Variants in NELL2 observed in about 807,000 individuals in gnomAD.
The protein encoded by NELL2 is protein kinase C-binding protein NELL2.
NELL2 carries 41 observed loss-of-function variants against 109.6 expected under a neutral mutation model. The ratio of observed to expected loss-of-function variants is 0.37; its 90% CI spans 0.29 to 0.49. NELL2 has a LOEUF of 0.49. Among genes scored for constraint, NELL2 ranks in the 20% least tolerant of loss-of-function variants. NELL2 has a pLI of 0.98. For missense variants in NELL2, 900 were observed against 1,008.3 expected (o/e 0.89, Z 1.45); for synonymous variants, 355 against 344.7 (o/e 1.03, Z -0.33).
chr12:44,570,560 A>G (rs1049218779), intron 15 of NELL2, among the ~76,000 whole-genome samples: 16 of 152,328 alleles, frequency 1.1e-4, no homozygotes, highest in African/African-American at 3.6e-4. Flanking sequence ...GGATTTTCCT[A>G]TTAGTATCAT....
intron 3 of NELL2, among the ~76,000 whole-genome samples, chr12:44,787,421 T>C (rs961223387): frequency 6.7e-6 from 1 of 148,952 alleles, no homozygotes; most frequent in African/African-American, 2.5e-5. Context: ...AACATTATCC[T>C]AAAATTTATA....
chr12:44,550,414 A>AT (rs34399603), intron 15 of NELL2, among the ~76,000 whole-genome samples: 71,883 of 146,160 alleles, frequency 0.49, 18,891 homozygotes, highest in East Asian at 0.69. Flanking sequence ...TGCCAGGCTA[A>AT]TTTTTTTTTT....
chr12:44,879,371 A>G (rs972147854), upstream of NELL2, among the ~76,000 whole-genome samples: 3 of 152,312 alleles, frequency 2.0e-5, no homozygotes, highest in Admixed American at 6.5e-5. Context: ...GAAAACTAAT[A>G]TAAGTACTGA....
chr12:44,889,525 G>A (rs1250283369), intron 1 of NELL2, among the ~76,000 whole-genome samples: 6 of 151,968 alleles, frequency 3.9e-5, no homozygotes, highest in East Asian at 1.9e-4. Flanking sequence ...GGACCCAGCC[G>A]GTGAGCTGGC....
At chr12:44,644,955 G>A (rs542021015) in intron 13 of NELL2, among the ~76,000 whole-genome samples, 1 of 152,036 alleles carries the variant, frequency 6.6e-6, no homozygotes, top group African/African-American at 2.4e-5. Flanking sequence ...CCCAGTGGAT[G>A]GGGAAGAGAC....
intron 16 of NELL2, among the ~76,000 whole-genome samples, chr12:44,528,077 G>T (rs1174430803): frequency 9.6e-6 from 1 of 104,420 alleles, no homozygotes; most frequent in Non-Finnish European, 1.7e-5. Flanking sequence ...CAGCCTGGGC[G>T]ACAGAGCGAG....
At chr12:44,921,232 A>G (rs1465678796) in intron 1 of NELL2, among the ~76,000 whole-genome samples, 1 of 152,156 alleles carries the variant, frequency 6.6e-6, no homozygotes, top group Admixed American at 6.5e-5. Flanking sequence ...AGACCTAAAC[A>G]CTAGATAGAC....
intron 9 of NELL2, among the ~76,000 whole-genome samples, chr12:44,766,398 T>C (rs1167593265): frequency 6.6e-6 from 1 of 152,196 alleles, no homozygotes. Context: ...TTACCTTTAT[T>C]GTGCAGTTGG....
At position 44,522,096 on chromosome 12, in the gene NELL2, G is replaced by A. The variant is rs1227761774; in HGVS notation, c.2079C>T (p.Asp693=). The A allele has an allele frequency of 6.2e-7, 1 of 1,613,946 alleles. No individual in the cohort carries two copies. The highest frequency in any genetic ancestry group is 8.5e-7 in the Non-Finnish European group (1 of 1,179,986). The stretch of plus-strand genomic sequence containing the variant: ...GGAGGCACTGACTACTAAGCCTTGG[G>A]TCACATTCAGGGCAGCAAAAAAGAT... ...TVDLFCCPEC[D]PRLSSQCLHQ... is the part of the protein sequence containing the mutation. The change falls in exon 18 of 20, where the codon GAC becomes GAT. Residue 693 remains aspartate (D), a synonymous_variant. Transcript: ENST00000429094.
chr12:44,799,710 G>A (rs1592559620), intron 3 of NELL2, among the ~76,000 whole-genome samples: 1 of 152,208 alleles, frequency 6.6e-6, no homozygotes, highest in East Asian at 1.9e-4. Flanking sequence ...GTTTTCAGGT[G>A]TGTAGGGGGG....
chr12:44,876,333 ACG>A, upstream of NELL2: 3 of 1,159,032 alleles, frequency 2.6e-6, no homozygotes, highest in Admixed American at 1.3e-4. Context: ...GCTCCGGGAG[ACG>A]CGCGGAGAGA....
rs1479188482 is a variant in NELL2 at position 44,560,736 on chromosome 12, G to GAATTCT, written c.1664-28021_1664-28016dup. ...CCCAGGACCAGATGAATTTACAGCC[G>GAATTCT]AATTCTACCAGAGGTATAAAGAGGA... On this transcript the variant is annotated intron_variant, in intron 15 of 19. Transcript: ENST00000429094. Among the ~76,000 whole-genome samples, 4 of 152,170 alleles carry GAATTCT rather than the reference G, an allele frequency of 2.6e-5. No homozygotes were observed. In the East Asian group the frequency reaches 5.8e-4, roughly 22 times the overall value.
At chr12:44,781,432 T>A (rs928280993) in intron 3 of NELL2, among the ~76,000 whole-genome samples, 2 of 151,972 alleles carry the variant, frequency 1.3e-5, no homozygotes, top group Non-Finnish European at 2.9e-5. Context: ...ATCACTAGCA[T>A]CCGAGAAAGA....
In NELL2 at chr12:44,532,669, G is replaced by A. The variant is rs1019891331; in HGVS notation, c.1716C>T (p.Cys572=). 1 of 1,613,538 alleles carries A rather than the reference G, an allele frequency of 6.2e-7. No individual in the cohort carries two copies. Among genetic ancestry groups the A allele is most frequent in the South Asian group, 1.1e-5 (1 of 91,036 alleles). The change falls in exon 16 of 20, where the codon TGC becomes TGT. Residue 572 remains cysteine, a synonymous_variant. Transcript: ENST00000429094. ...AGTGGTACCATCCAGGCAGGTTAATGCAATTAGCACGACTGTCACATTGAA... is the reference window on the plus strand; with the variant it reads ...AGTGGTACCATCCAGGCAGGTTAATACAATTAGCACGACTGTCACATTGAA... ...GFVQCDSRAN[C]INLPGWYHCE...
intron 1 of NELL2, among the ~76,000 whole-genome samples, chr12:44,882,505 C>G (rs75265374): frequency 6.6e-6 from 1 of 151,166 alleles, no homozygotes; most frequent in African/African-American, 2.4e-5. Context: ...TACACACACA[C>G]GCACACACAC....
At chr12:44,651,446 T>A (rs12812414) in intron 13 of NELL2, among the ~76,000 whole-genome samples, 1 of 152,036 alleles carries the variant, frequency 6.6e-6, no homozygotes, top group South Asian at 2.1e-4. Flanking sequence ...ATTAAACTTC[T>A]AGATTTTAAA....
chr12:44,528,197 G>A (rs1203300757), intron 16 of NELL2, among the ~76,000 whole-genome samples: 1 of 148,342 alleles, frequency 6.7e-6, no homozygotes, highest in Non-Finnish European at 1.5e-5. Context: ...AAATTTTATT[G>A]GTAGAATCAT....
intron 12 of NELL2, among the ~76,000 whole-genome samples, chr12:44,674,730 T>C (rs1422365853): frequency 6.6e-6 from 1 of 152,108 alleles, no homozygotes; most frequent in Admixed American, 6.6e-5. Context: ...ATGGCATAAC[T>C]GAGGAATTGG....
intron 15 of NELL2, among the ~76,000 whole-genome samples, chr12:44,577,881 A>G (rs1944170093): frequency 6.6e-6 from 1 of 152,152 alleles, no homozygotes; most frequent in African/African-American, 2.4e-5. Flanking sequence ...GGCCCGATCA[A>G]TTCTAACTTG....
Sources: gnomAD v4.1 joint callset for allele counts (sites outside exome capture counted in the v4.1 genomes callset) on GRCh38, gnomAD v4.1.1 for gene constraint, MANE v1.5 for transcripts, NCBI Gene and HGNC (gene_info 2026-07-23, HGNC 2026-07-21) for gene names.